Variants in NPTN observed in about 807,000 individuals in gnomAD.
The protein encoded by NPTN is neuroplastin, also known as SDR-1.
Under a neutral mutation model 42.7 loss-of-function variants are expected in NPTN, and 5 were observed. The ratio of observed to expected loss-of-function variants is 0.12; its 90% CI spans 0.06 to 0.25. NPTN has a LOEUF of 0.25. Ranked by LOEUF, NPTN falls within the 10% of genes least tolerant of loss-of-function variation. The probability of loss-of-function intolerance (pLI) is 1.00; values close to 1 mark genes in which losing one functional copy is unlikely to be tolerated. For missense variants in NPTN, 307 were observed against 525.4 expected (o/e 0.58, Z 4.06); for synonymous variants, 180 against 201.9 (o/e 0.89, Z 0.92).
intron 1 of NPTN, among the ~76,000 whole-genome samples, chr15:73,617,154 A>C (rs1036636371): frequency 1.3e-5 from 2 of 152,230 alleles, no homozygotes; most frequent in Non-Finnish European, 2.9e-5. Flanking sequence ...ACATACTACT[A>C]AATGCAAAGC....
chr15:73,561,007 T>G lies in NPTN; in HGVS notation c.*56A>C, dbSNP rs751347285. Reference sequence around the variant, plus strand: ...AACCAAAGAGGTCCAAGCAGAAAATTTTAGCAGGTCATGTTGCCACCAGTT... The same window carrying G: ...AACCAAAGAGGTCCAAGCAGAAAATGTTAGCAGGTCATGTTGCCACCAGTT... On this transcript the variant is annotated 3_prime_UTR_variant, in exon 9 of 9. Transcript: ENST00000345330. The G allele has an allele frequency of 6.6e-6, 1 of 152,560 alleles. No individual in the cohort carries two copies. Among genetic ancestry groups the G allele is most frequent in the Admixed American group, 6.5e-5 (1 of 15,276 alleles). 9.5% of individuals were successfully genotyped at this position (152,560 alleles called of 1,614,324 possible).
chr15:73,621,284 C>T lies in NPTN; in HGVS notation c.91+11841G>A, dbSNP rs148371448. ...ATAATTAATTCAATGAAAAGACTGGCCTATTAACAACCATCTAAAATGCAC... is the reference window on the plus strand; with the variant it reads ...ATAATTAATTCAATGAAAAGACTGGTCTATTAACAACCATCTAAAATGCAC... On this transcript the variant is annotated intron_variant, in intron 1 of 8. Coordinates refer to ENST00000345330, the MANE Select transcript of NPTN (RefSeq NM_012428.4). 7.7e-4 allele frequency among the ~76,000 whole-genome samples: 117 copies of T among 152,210 alleles called. 1 individual carries two copies. Among genetic ancestry groups the T allele is most frequent in the African/African-American group, 2.7e-3 (112 of 41,554 alleles).
intron 3 of NPTN, among the ~76,000 whole-genome samples, chr15:73,590,885 TGCTGAG>T (rs1349882987): frequency 6.6e-6 from 1 of 152,084 alleles, no homozygotes; most frequent in Non-Finnish European, 1.5e-5. Flanking sequence ...TGAGGAAAAT[TGCTGAG>T]GCTAAATTTC....
chr15:73,581,335 G>A (rs1156752574), intron 4 of NPTN, among the ~76,000 whole-genome samples: 1 of 152,170 alleles, frequency 6.6e-6, no homozygotes, highest in African/African-American at 2.4e-5. Context: ...GAAGGAGACA[G>A]AGACAATACT....
At chr15:73,604,065 A>T (rs781313764) in intron 1 of NPTN, among the ~76,000 whole-genome samples, 8 of 152,206 alleles carry the variant, frequency 5.3e-5, no homozygotes, top group Non-Finnish European at 1.0e-4. Context: ...AAAAACTTTC[A>T]TTCAGTCCTG....
At position 73,560,073 on chromosome 15, in the gene NPTN, G is replaced by A; in HGVS notation, c.*990C>T. The A allele has an allele frequency of 1.7e-6, 1 of 591,098 alleles. No homozygotes were observed. Among genetic ancestry groups the A allele is most frequent in the Non-Finnish European group, 2.7e-6 (1 of 363,654 alleles). The allele number at this position is 591,098 out of a possible 1,614,324, so 36.6% of individuals were successfully genotyped here. A position where few individuals can be genotyped will look rare whatever the true frequency, so the allele number is the denominator to read the frequency against. On this transcript the variant is annotated 3_prime_UTR_variant, in exon 9 of 9. Transcript: ENST00000345330. ...TGAATCCACTTTTTTATACATCATTGCACTTCAATAATTACACAAAACACA... is the reference window on the plus strand; with the variant it reads ...TGAATCCACTTTTTTATACATCATTACACTTCAATAATTACACAAAACACA...
rs1467108475 is a variant in NPTN at position 73,633,333 on chromosome 15, C to T, written c.-118G>A. 5 of 727,484 alleles carry T rather than the reference C, an allele frequency of 6.9e-6. No homozygotes were observed. The highest frequency in any genetic ancestry group is 5.6e-5 in the African/African-American group (3 of 53,994). 45.1% of individuals were successfully genotyped at this position (727,484 alleles called of 1,614,324 possible). ...CGAGGGAGTGAGCGAGGGAGGCAGCCGCGGCTCGGCTCCGTCCTTCCCCGT... is the reference window on the plus strand; with the variant it reads ...CGAGGGAGTGAGCGAGGGAGGCAGCTGCGGCTCGGCTCCGTCCTTCCCCGT... On this transcript the variant is annotated 5_prime_UTR_variant, in exon 1 of 9. Coordinates refer to ENST00000345330, the MANE Select transcript of NPTN (RefSeq NM_012428.4).
intron 2 of NPTN, among the ~76,000 whole-genome samples, chr15:73,596,440 C>G (rs1423471390): frequency 6.6e-6 from 1 of 152,122 alleles, no homozygotes; most frequent in Non-Finnish European, 1.5e-5. Flanking sequence ...CACCAAGTCA[C>G]AGTTAAAGGA....
chr15:73,632,354 T>C (rs1373116678), intron 1 of NPTN, among the ~76,000 whole-genome samples: 2 of 150,482 alleles, frequency 1.3e-5, no homozygotes, highest in Non-Finnish European at 3.0e-5. Context: ...TCTGCTCATT[T>C]TCCTCTCCTT....
intron 2 of NPTN, among the ~76,000 whole-genome samples, chr15:73,592,699 A>G (rs1208931206): frequency 1.3e-5 from 2 of 152,224 alleles, no homozygotes; most frequent in Non-Finnish European, 2.9e-5. Context: ...ATTGGAAGTC[A>G]CTTGCATTTT....
intron 1 of NPTN, among the ~76,000 whole-genome samples, chr15:73,626,939 A>G (rs1673192782): frequency 6.6e-6 from 1 of 152,156 alleles, no homozygotes; most frequent in Admixed American, 6.5e-5. Flanking sequence ...AGGATATCCA[A>G]ATTGGCATAT....
chr15:73,625,824 G>T (rs1294818222), intron 1 of NPTN, among the ~76,000 whole-genome samples: 1 of 152,058 alleles, frequency 6.6e-6, no homozygotes, highest in East Asian at 1.9e-4. Flanking sequence ...ATACACAGGG[G>T]TTTATTCATT....
chr15:73,624,392 A>C (rs2141475581), intron 1 of NPTN, among the ~76,000 whole-genome samples: 1 of 152,326 alleles, frequency 6.6e-6, no homozygotes, highest in East Asian at 1.9e-4. Flanking sequence ...TTCAGCATTA[A>C]TGAATATAAT....
intron 5 of NPTN, among the ~76,000 whole-genome samples, chr15:73,571,466 G>A (rs1005958442): frequency 6.6e-6 from 1 of 152,190 alleles, no homozygotes; most frequent in Non-Finnish European, 1.5e-5. Flanking sequence ...AGCCCCAACA[G>A]AGCGTGTGTA....
intron 5 of NPTN, among the ~76,000 whole-genome samples, chr15:73,573,024 C>T (rs1895497461): frequency 6.6e-6 from 1 of 152,210 alleles, no homozygotes; most frequent in Non-Finnish European, 1.5e-5. Context: ...GACCTGCCTG[C>T]TTCCCCTTCA....
intron 4 of NPTN, among the ~76,000 whole-genome samples, 154 bp from the exon 5 acceptor site, chr15:73,573,949 T>G (rs1476240868): frequency 6.6e-6 from 1 of 152,140 alleles, no homozygotes; most frequent in East Asian, 1.9e-4. Context: ...CAGGTCAGAA[T>G]AGGGTAAAGG....
intron 4 of NPTN, among the ~76,000 whole-genome samples, chr15:73,584,913 C>G (rs2141386039): frequency 6.6e-6 from 1 of 152,264 alleles, no homozygotes; most frequent in South Asian, 2.1e-4. Context: ...CATCTTGGCT[C>G]TGTTCCCAGG....
intron 4 of NPTN, among the ~76,000 whole-genome samples, chr15:73,575,598 T>C (rs910739517): frequency 6.6e-6 from 1 of 152,238 alleles, no homozygotes; most frequent in Non-Finnish European, 1.5e-5. Context: ...CTTGTCTACC[T>C]CCCAGTGTTC....
intron 7 of NPTN, among the ~76,000 whole-genome samples, chr15:73,562,743 A>T (rs777872202): frequency 6.6e-6 from 1 of 152,216 alleles, no homozygotes; most frequent in Non-Finnish European, 1.5e-5. Context: ...AAACTCGGTC[A>T]GTAACAACTT....
Sources: gnomAD v4.1 joint callset for allele counts (sites outside exome capture counted in the v4.1 genomes callset) on GRCh38, gnomAD v4.1.1 for gene constraint, MANE v1.5 for transcripts, NCBI Gene and HGNC (gene_info 2026-07-23, HGNC 2026-07-21) for gene names.